The following TMPRSS15 variants were observed in gnomAD, a reference collection of about 807,000 sequenced individuals.
TMPRSS15 encodes enteropeptidase.
TMPRSS15 carries 128 observed loss-of-function variants against 125.3 expected under a neutral mutation model. That is an observed-to-expected ratio of 1.02 (90% confidence interval 0.89 to 1.18). The LOEUF (loss-of-function observed/expected upper bound fraction) is 1.18. TMPRSS15 is among the 50% of genes most tolerant of loss of function. The pLI is 0.00. For synonymous variants in TMPRSS15, 446 were observed against 423.2 expected (o/e 1.05, Z -0.66); for missense variants, 1,283 against 1,212.7 (o/e 1.06, Z -0.86).
intron 1 of TMPRSS15, among the ~76,000 whole-genome samples, chr21:18,421,896 G>A (rs1351918254): frequency 1.3e-5 from 2 of 151,794 alleles, no homozygotes; most frequent in African/African-American, 4.8e-5. Flanking sequence ...TATGTCCACT[G>A]AAAATTACAA....
At chr21:18,307,463 A>C (rs2075050034) in intron 18 of TMPRSS15, among the ~76,000 whole-genome samples, 1 of 152,210 alleles carries the variant, frequency 6.6e-6, no homozygotes, top group Admixed American at 6.5e-5. Context: ...CACTCAGCTC[A>C]GGCCATTTTC....
chr21:18,358,626 G>A (rs766259966), intron 8 of TMPRSS15, among the ~76,000 whole-genome samples: 22 of 151,680 alleles, frequency 1.5e-4, no homozygotes, highest in Non-Finnish European at 3.1e-4. Flanking sequence ...AAAGAATAAT[G>A]GTATTATGTT....
intron 1 of TMPRSS15, among the ~76,000 whole-genome samples, chr21:18,468,432 T>C (rs749118563): frequency 5.3e-5 from 8 of 152,132 alleles, no homozygotes; most frequent in African/African-American, 1.9e-4. Context: ...TCATTATCTA[T>C]AATGTCTTTC....
chr21:18,397,834 A>T, intron 3 of TMPRSS15, 45 bp downstream of exon 3: 2 of 1,103,300 alleles, frequency 1.8e-6, no homozygotes, highest in Non-Finnish European at 2.7e-6. Flanking sequence ...TTAGCAAAAA[A>T]ATCACTAATT....
intron 1 of TMPRSS15, among the ~76,000 whole-genome samples, chr21:18,401,414 C>A (rs2076093801): frequency 6.6e-6 from 1 of 152,212 alleles, no homozygotes; most frequent in Middle Eastern, 3.4e-3. Context: ...AAAGAATGAA[C>A]TCATGTCCTT....
intron 1 of TMPRSS15, among the ~76,000 whole-genome samples, chr21:18,454,448 G>A (rs1787965197): frequency 6.6e-6 from 1 of 152,092 alleles, no homozygotes; most frequent in East Asian, 1.9e-4. Context: ...GATTCATTAT[G>A]AAATTGGTTC....
intron 1 of TMPRSS15, among the ~76,000 whole-genome samples, chr21:18,462,780 A>G (rs896227275): frequency 2.0e-5 from 3 of 151,730 alleles, no homozygotes; most frequent in African/African-American, 4.8e-5. Context: ...GAAATGAAGG[A>G]AAAAAAAATT....
intron 10 of TMPRSS15, among the ~76,000 whole-genome samples, chr21:18,351,254 T>C (rs1392727751): frequency 6.6e-6 from 1 of 152,186 alleles, no homozygotes; most frequent in Non-Finnish European, 1.5e-5. Context: ...AGAAACTATT[T>C]TATTCAGTCA....
intron 1 of TMPRSS15, chr21:18,477,591 T>C (rs958511739): frequency 1.3e-5 from 2 of 152,072 alleles, no homozygotes; most frequent in Non-Finnish European, 2.9e-5. Context: ...AGGGTCTTAT[T>C]AAGAAACTCA....
chr21:18,459,174 G>A (rs1439427506), intron 1 of TMPRSS15, among the ~76,000 whole-genome samples: 1 of 151,774 alleles, frequency 6.6e-6, no homozygotes, highest in Non-Finnish European at 1.5e-5. Flanking sequence ...TTTTCCCCCA[G>A]TTAATTTGAT....
chr21:18,360,014 C>A (rs1436947605), intron 7 of TMPRSS15, 151 bp from the exon 8 acceptor site: 5 of 522,394 alleles, frequency 9.6e-6, no homozygotes, highest in African/African-American at 1.9e-5. Context: ...TGCAGTATTG[C>A]CGGTTATGAA....
chr21:18,313,725 C>G (rs1157348631), intron 17 of TMPRSS15, among the ~76,000 whole-genome samples: 5 of 151,374 alleles, frequency 3.3e-5, no homozygotes, highest in Admixed American at 3.3e-4. Flanking sequence ...TTTTATGTAA[C>G]CATAAAAATG....
At chr21:18,310,037 A>T (rs1010758405) in intron 18 of TMPRSS15, among the ~76,000 whole-genome samples, 1 of 152,122 alleles carries the variant, frequency 6.6e-6, no homozygotes, top group Non-Finnish European at 1.5e-5. Context: ...GTAAGAAGCT[A>T]AGTTAGGTAT....
At chr21:18,372,395 T>G (rs774506262) in intron 5 of TMPRSS15, 71 bp from the exon 6 acceptor site, 1 of 1,420,498 alleles carries the variant, frequency 7.0e-7, no homozygotes, top group Non-Finnish European at 9.8e-7. Context: ...TAATAGGCCT[T>G]TTTGCCACTG....
intron 14 of TMPRSS15, 56 bp downstream of exon 14, chr21:18,332,028 G>C: frequency 6.8e-7 from 1 of 1,465,934 alleles, no homozygotes; most frequent in South Asian, 1.1e-5. Context: ...GTCAAGGGGA[G>C]ATCTACATTT....
intron 6 of TMPRSS15, among the ~76,000 whole-genome samples, chr21:18,370,605 T>C (rs977702991): frequency 3.3e-5 from 5 of 152,124 alleles, no homozygotes; most frequent in Admixed American, 6.5e-5. Context: ...AACTTAGTTA[T>C]ATAAAATAGA....
In TMPRSS15 at chr21:18,365,349, T is replaced by C. The variant is rs73893081; in HGVS notation, c.665-101A>G. On this transcript the variant is annotated intron_variant, in intron 6 of 24. Coordinates refer to ENST00000284885, the MANE Select transcript of TMPRSS15 (RefSeq NM_002772.3). ...TATTCATGGCAAAACCTGTACAAGG[T>C]TATTTTATGAAACTGAAATGATAGT... 3,805 of 930,558 alleles carry C rather than the reference T, an allele frequency of 4.1e-3. 100 individuals carry two copies. In the African/African-American group the frequency reaches 0.055, roughly 13 times the overall value. 57.6% of individuals were successfully genotyped at this position (930,558 alleles called of 1,614,324 possible). A position where few individuals can be genotyped will look rare whatever the true frequency, so the allele number is the denominator to read the frequency against.
intron 3 of TMPRSS15, among the ~76,000 whole-genome samples, chr21:18,384,574 G>C (rs762644651): frequency 6.6e-6 from 1 of 152,192 alleles, no homozygotes; most frequent in East Asian, 1.9e-4. Context: ...GGTGAATAGG[G>C]ATACTTGGGA....
chr21:18,396,792 A>ATCTATCTG (rs1555909721), intron 3 of TMPRSS15, among the ~76,000 whole-genome samples: 11 of 112,790 alleles, frequency 9.8e-5, no homozygotes, highest in Non-Finnish European at 1.6e-4. Flanking sequence ...AAAAAAAAAA[A>ATCTATCTG]TCTGTCTGTC....
Sources: gnomAD v4.1 joint callset for allele counts (sites outside exome capture counted in the v4.1 genomes callset) on GRCh38, gnomAD v4.1.1 for gene constraint, MANE v1.5 for transcripts, NCBI Gene and HGNC (gene_info 2026-07-23, HGNC 2026-07-21) for gene names.